LRRC4: variants seen among roughly 807,000 people sequenced by gnomAD.
The protein encoded by LRRC4 is leucine rich repeat containing 4, also known as leucine-rich repeat-containing protein 4.
Under a neutral mutation model 37.9 loss-of-function variants are expected in LRRC4, and 11 were observed. The observed-to-expected ratio is 0.29, with a 90% confidence interval of 0.18 to 0.48. The LOEUF (loss-of-function observed/expected upper bound fraction) is 0.48, where lower values mean the gene tolerates loss of function less well. Ranked by LOEUF, LRRC4 falls within the 20% of genes least tolerant of loss-of-function variation. LRRC4 has a pLI of 0.99. For synonymous variants in LRRC4, 404 were observed against 346.7 expected, an observed-to-expected ratio of 1.17 and a Z score of -1.84; for missense variants, 717 against 842.1, an observed-to-expected ratio of 0.85 and a Z score of 1.84.
chr7:128,029,812 T>C lies in LRRC4; in HGVS notation c.829A>G (p.Asn277Asp). 6.2e-7 allele frequency: 1 copy of C among 1,613,668 alleles called. No homozygotes were observed. The highest frequency in any genetic ancestry group is 8.5e-7 in the Non-Finnish European group (1 of 1,180,016). The stretch of plus-strand genomic sequence containing the variant: ...AGGTCATGGGGCAAAGAAGAGAGGT[T>C]ATTGTGGGCCAAGTTGAGTTCCACA... ...SLVELNLAHN[N>D]LSSLPHDLFT... The change falls in exon 2 of 2, where the codon AAC becomes GAC. Residue 277 changes from asparagine to aspartate, a missense_variant. Asn to Asp is a conservative substitution (Grantham distance 23, BLOSUM62 1). Coordinates refer to ENST00000249363, the MANE Select transcript of LRRC4 (RefSeq NM_022143.5). The surrounding 1 kb of genome is among the most constrained non-coding windows in gnomAD (Gnocchi z 4.2).
chr7:128,028,557 T>A lies in LRRC4; in HGVS notation c.*122A>T. 1 of 908,692 alleles carries A rather than the reference T, an allele frequency of 1.1e-6. No individual in the cohort carries two copies. Among genetic ancestry groups the A allele is most frequent in the South Asian group, 2.2e-5 (1 of 45,994 alleles). The allele number at this position is 908,692 out of a possible 1,614,324, so 56.3% of individuals were successfully genotyped here. On this transcript the variant is annotated 3_prime_UTR_variant, in exon 2 of 2. Transcript: ENST00000249363. ...AAATTTTAATATAATCTGTTTTTTT[T>A]AACCAGCCCATAGACTTAATATATA...
In LRRC4 at chr7:128,029,273, T is replaced by A. The variant is rs1464098592; in HGVS notation, c.1368A>T (p.Thr456=). 1.2e-6 allele frequency: 2 copies of A among 1,614,174 alleles called. No homozygotes were observed. The highest frequency in any genetic ancestry group is 1.7e-6 in the Non-Finnish European group (2 of 1,180,032). The change falls in exon 2 of 2, where the codon ACA becomes ACT. Residue 456 remains threonine, a synonymous_variant. Transcript: ENST00000249363. The surrounding 1 kb of genome is among the most constrained non-coding windows in gnomAD (Gnocchi z 4.2). The part of the protein sequence containing the change: ...LNTSNYSFFT[T]VTVETTEISP... Reference sequence around the variant, plus strand: ...AGATCTCCGTGGTCTCCACTGTTACTGTGGTGAAGAAGCTGTAGTTGGAGG... The same window carrying A: ...AGATCTCCGTGGTCTCCACTGTTACAGTGGTGAAGAAGCTGTAGTTGGAGG...
In LRRC4 at chr7:128,030,589, G is replaced by C; in HGVS notation, c.52C>G (p.Leu18Val). Residue 18 changes from leucine to valine, a missense_variant, in exon 2 of 2, where the codon CTG becomes GTG. Physicochemically the swap from Leu to Val is conservative, Grantham distance 32. Around this residue, in one of 5 missense-constraint regions of LRRC4, gnomAD observed 127 missense variants for 134.8 expected, o/e 0.94. Coordinates refer to ENST00000249363, the MANE Select transcript of LRRC4 (RefSeq NM_022143.5). The part of the protein sequence containing the change: ...TVHHHTWNAI[L>V]LPFVYLTAQV... ...GCCGTGAGGTAGACGAACGGGAGCA[G>C]GATGGCATTCCAGGTGTGGTGGTGC... 1 of 1,599,558 alleles carries C rather than the reference G, an allele frequency of 6.3e-7. No homozygotes were observed. The highest frequency in any genetic ancestry group is 8.5e-7 in the Non-Finnish European group (1 of 1,170,398).
Position 128,028,670 on chromosome 7 carries a change from G to A in LRRC4, c.*9C>T, listed in dbSNP as rs750749244. ...TATTGCATTTTATAAGTTTTTTGGG[G>A]GAGGGGAGTCATATTTGAGTTTCCT... is the stretch of plus-strand genomic sequence containing the variant. On this transcript the variant is annotated 3_prime_UTR_variant, in exon 2 of 2. Coordinates refer to ENST00000249363, the MANE Select transcript of LRRC4 (RefSeq NM_022143.5). 1.9e-5 allele frequency: 30 copies of A among 1,598,946 alleles called. No homozygotes were observed. Among genetic ancestry groups the A allele is most frequent in the Non-Finnish European group, 2.3e-5 (27 of 1,171,926 alleles).
chr7:128,028,943 AAC>A lies in LRRC4; in HGVS notation c.1696_1697del (p.Val566Ter). ...TGTCTTCGTCCACCTGGATTATCTC[AAC>A]AGTCCGGGCGGCTGTGACTGTACTC... is the stretch of plus-strand genomic sequence containing the variant. ...QRSTVTAART[V>X]EIIQVDEDIP... On this transcript the variant is annotated frameshift_variant, in exon 2 of 2. Coordinates refer to ENST00000249363, the MANE Select transcript of LRRC4 (RefSeq NM_022143.5). LOFTEE classifies it high-confidence loss of function. 6.2e-7 allele frequency: 1 copy of A among 1,609,276 alleles called. No individual in the cohort carries two copies. Among genetic ancestry groups the A allele is most frequent in the Non-Finnish European group, 8.5e-7 (1 of 1,177,192 alleles).
rs1449244934 is a variant in LRRC4 at position 128,030,382 on chromosome 7, T to A, written c.259A>T (p.Ile87Phe). The change falls in exon 2 of 2, where the codon ATC (isoleucine) becomes TTC (phenylalanine). Residue 87 changes from isoleucine to phenylalanine, a missense_variant. Physicochemically the swap from Ile to Phe is conservative, Grantham distance 21. This residue lies in a region of LRRC4 where 127 missense variants were observed against 134.8 expected (regional missense o/e 0.94). Transcript: ENST00000249363. ...TRYLNLMENN[I>F]QMIQADTFRH... ...AAGGTGTCGGCCTGGATCATCTGGA[T>A]GTTGTTCTCCATGAGGTTGAGGTAC... The A allele has an allele frequency of 1.2e-6, 2 of 1,613,868 alleles. No homozygotes were observed. The highest frequency in any genetic ancestry group is 1.7e-6 in the Non-Finnish European group (2 of 1,179,996).
upstream of LRRC4, chr7:128,031,590 G>C (rs1792604720): frequency 6.7e-6 from 1 of 150,012 alleles, no homozygotes; most frequent in Non-Finnish European, 1.5e-5. Context: ...GCCGGCACGC[G>C]GGGCGGCGCT....
In LRRC4 at chr7:128,030,434, G is replaced by T. The variant is rs1415478376; in HGVS notation, c.207C>A (p.Val69=). 7.4e-6 allele frequency: 12 copies of T among 1,613,822 alleles called. No homozygotes were observed. Among genetic ancestry groups the T allele is most frequent in the Non-Finnish European group, 8.5e-6 (10 of 1,180,034 alleles). ...VVCTRRGLSE[V]PQGIPSNTRY... ...GGGTGTTCGAGGGAATACCCTGCGG[G>T]ACCTCGGAGAGGCCCCGGCGCGTGC... The change falls in exon 2 of 2, where the codon GTC becomes GTA. Residue 69 remains valine, a synonymous_variant. Transcript: ENST00000249363.
rs751155815 is a variant in LRRC4, at chr7:128,028,931, C to G, written c.1710G>C (p.Gln570His). ...TTGCTGCTGGGATGTCTTCGTCCAC[C>G]TGGATTATCTCAACAGTCCGGGCGG... ...VTAARTVEIIQVDEDIPAATS... is the reference protein window; with the variant it reads ...VTAARTVEIIHVDEDIPAATS... Residue 570 changes from glutamine (Q) to histidine (H), a missense_variant, in exon 2 of 2, where the codon CAG (glutamine) becomes CAC (histidine). Around this residue, in one of 5 missense-constraint regions of LRRC4, gnomAD observed 140 missense variants for 137.2 expected, o/e 1.02. Transcript: ENST00000249363. 9.9e-6 allele frequency: 16 copies of G among 1,610,564 alleles called. No individual in the cohort carries two copies. The highest frequency in any genetic ancestry group is 1.3e-5 in the African/African-American group (1 of 74,914).
In LRRC4 at chr7:128,029,338, C is replaced by T. The variant is rs1275724385; in HGVS notation, c.1303G>A (p.Ala435Thr). 2 of 1,613,986 alleles carry T rather than the reference C, an allele frequency of 1.2e-6. No homozygotes were observed. Among genetic ancestry groups the T allele is most frequent in the South Asian group, 1.1e-5 (1 of 91,074 alleles). Residue 435 changes from alanine (A) to threonine (T), a missense_variant, in exon 2 of 2, where the codon GCC (alanine) becomes ACC (threonine). Physicochemically the swap from Ala to Thr is moderately conservative, Grantham distance 58 (BLOSUM62 0). This residue lies in a region of LRRC4 where 293 missense variants were observed against 268.3 expected (regional missense o/e 1.09). Coordinates refer to ENST00000249363, the MANE Select transcript of LRRC4 (RefSeq NM_022143.5). The surrounding 1 kb of genome is among the most constrained non-coding windows in gnomAD (Gnocchi z 4.2). The stretch of plus-strand genomic sequence containing the variant: ...GTGCTCACATTGAGGTAGGCCGAGG[C>T]GTTGGAGTTGCCTGCAACATTGGTC... ...MVTNVAGNSN[A>T]SAYLNVSTAE...
chr7:128,031,786 C>CCGT (rs1792616215), upstream of LRRC4, among the ~76,000 whole-genome samples: 3 of 143,024 alleles, frequency 2.1e-5, no homozygotes, highest in African/African-American at 7.5e-5. Context: ...CCGTCGCCGC[C>CCGT]CGCCGCTGCC....
chr7:128,029,265 A>G lies in LRRC4; in HGVS notation c.1376T>C (p.Val459Ala). 1 of 1,614,112 alleles carries G rather than the reference A, an allele frequency of 6.2e-7. No homozygotes were observed. The highest frequency in any genetic ancestry group is 8.5e-7 in the Non-Finnish European group (1 of 1,180,042). Reference protein sequence around the residue: ...SNYSFFTTVTVETTEISPEDT... With the variant: ...SNYSFFTTVTAETTEISPEDT... ...CTCAGGCGAGATCTCCGTGGTCTCC[A>G]CTGTTACTGTGGTGAAGAAGCTGTA... is the stretch of plus-strand genomic sequence containing the variant. The change falls in exon 2 of 2, where the codon GTG becomes GCG. Residue 459 changes from valine to alanine, a missense_variant. This residue lies in a region of LRRC4 where 293 missense variants were observed against 268.3 expected (regional missense o/e 1.09). Transcript: ENST00000249363. This position sits in a 1 kb window ranked among gnomAD's most constrained non-coding sequence, Gnocchi z 4.2.
rs190780249 is a variant in LRRC4, at chr7:128,028,647, T to C, written c.*32A>G. 8.2e-6 allele frequency: 13 copies of C among 1,583,788 alleles called. No individual in the cohort carries two copies. The East Asian group carries it at 2.7e-4, about 33-fold the overall frequency. On this transcript the variant is annotated 3_prime_UTR_variant, in exon 2 of 2. Coordinates refer to ENST00000249363, the MANE Select transcript of LRRC4 (RefSeq NM_022143.5). ...AGTTGCTGTCTTTGTGTGCATTCTA[T>C]TGCATTTTATAAGTTTTTTGGGGGA...
chr7:128,028,833 T>C lies in LRRC4; in HGVS notation c.1808A>G (p.Asp603Gly), dbSNP rs1792481114. 1 of 1,614,174 alleles carries C rather than the reference T, an allele frequency of 6.2e-7. No individual in the cohort carries two copies. Among genetic ancestry groups the C allele is most frequent in the Non-Finnish European group, 8.5e-7 (1 of 1,180,038 alleles). ...TTTGTAGGTGTTGTAGTTAATATGG[T>C]CATGAATTGTGGGCAGCACTACTGC... Reference protein sequence around the residue: ...EGAVVLPTIHDHINYNTYKPA... With the variant: ...EGAVVLPTIHGHINYNTYKPA... The change falls in exon 2 of 2, where the codon GAC becomes GGC. Residue 603 changes from aspartate (D) to glycine (G), a missense_variant. Transcript: ENST00000249363.
intron 1 of LRRC4, 59 bp from the exon 2 acceptor site, chr7:128,030,799 A>T: frequency 1.1e-6 from 1 of 940,972 alleles, no homozygotes; most frequent in South Asian, 2.1e-5. Flanking sequence ...GCCGAAAAAA[A>T]TCCTGCCAAA....
Position 128,030,711 on chromosome 7 carries a change from CT to C in LRRC4, c.-72del. The C allele has an allele frequency of 1.3e-6, 2 of 1,496,386 alleles. No individual in the cohort carries two copies. Among genetic ancestry groups the C allele is most frequent in the Non-Finnish European group, 1.8e-6 (2 of 1,116,122 alleles). The allele number at this position is 1,496,386 out of a possible 1,614,324, so 92.7% of individuals were successfully genotyped here. A position where few individuals can be genotyped will look rare whatever the true frequency, so the allele number is the denominator to read the frequency against. On this transcript the variant is annotated 5_prime_UTR_variant, in exon 2 of 2. It removes the in-frame stop codon of an upstream open reading frame in the 5' UTR. Coordinates refer to ENST00000249363, the MANE Select transcript of LRRC4 (RefSeq NM_022143.5). ...GAAAGGAGAACCAGCCCTACCCCGG[CT>C]TAAGTGAGCTAGGAGCTCCTCTTTC...
rs1240981706 is a variant in LRRC4 at position 128,030,411 on chromosome 7, G to C, written c.230C>G (p.Thr77Ser). 1 of 1,613,862 alleles carries C rather than the reference G, an allele frequency of 6.2e-7. No individual in the cohort carries two copies. Among genetic ancestry groups the C allele is most frequent in the Non-Finnish European group, 8.5e-7 (1 of 1,180,036 alleles). Reference protein sequence around the residue: ...SEVPQGIPSNTRYLNLMENNI... With the variant: ...SEVPQGIPSNSRYLNLMENNI... ...GTTCTCCATGAGGTTGAGGTACCGG[G>C]TGTTCGAGGGAATACCCTGCGGGAC... Residue 77 changes from threonine (T) to serine (S), a missense_variant, in exon 2 of 2, where the codon ACC (threonine) becomes AGC (serine). This residue lies in a region of LRRC4 where 127 missense variants were observed against 134.8 expected (regional missense o/e 0.94). Coordinates refer to ENST00000249363, the MANE Select transcript of LRRC4 (RefSeq NM_022143.5).
Position 128,028,639 on chromosome 7 carries a change from G to A in LRRC4, c.*40C>T. The A allele has an allele frequency of 6.4e-7, 1 of 1,565,250 alleles. No individual in the cohort carries two copies. The highest frequency in any genetic ancestry group is 8.7e-7 in the Non-Finnish European group (1 of 1,151,956). ...TGTACAAAAGTTGCTGTCTTTGTGT[G>A]CATTCTATTGCATTTTATAAGTTTT... On this transcript the variant is annotated 3_prime_UTR_variant, in exon 2 of 2. Transcript: ENST00000249363.
rs1792560028 is a variant in LRRC4 at position 128,030,625 on chromosome 7, G to T, written c.16C>A (p.Gln6Lys). ...CAGGTGTGGTGGTGCACAGTTACCT[G>T]CCACAAGAGCTTCATGGTGTGGCAC... Reference protein sequence around the residue: MKLLWQVTVHHHTWNA... With the variant: MKLLWKVTVHHHTWNA... The change falls in exon 2 of 2, where the codon CAG (glutamine) becomes AAG (lysine). Residue 6 changes from glutamine to lysine, a missense_variant. Transcript: ENST00000249363. 6.4e-7 allele frequency: 1 copy of T among 1,560,474 alleles called. No individual in the cohort carries two copies. Among genetic ancestry groups the T allele is most frequent in the Admixed American group, 1.8e-5 (1 of 54,768 alleles).
Sources: gnomAD v4.1 joint callset for allele counts (sites outside exome capture counted in the v4.1 genomes callset) on GRCh38, gnomAD v4.1.1 for gene constraint, gnomAD v4.1.1 regional missense constraint, Gnocchi (gnomAD v3.1) non-coding constraint, MANE v1.5 for transcripts, NCBI Gene and HGNC (gene_info 2026-07-23, HGNC 2026-07-21) for gene names.